Variants in NLE1 observed in about 807,000 individuals in gnomAD.
NLE1 encodes the protein notchless protein homolog 1.
Under a neutral mutation model 62.8 loss-of-function variants are expected in NLE1, and 37 were observed. That is an observed-to-expected ratio of 0.59 (90% CI 0.45 to 0.78). The LOEUF is 0.78. Ranked by LOEUF, NLE1 falls within the 30% of genes least tolerant of loss-of-function variation. NLE1 has a pLI of 0.00. For synonymous variants in NLE1, 243 were observed against 253.0 expected, an observed-to-expected ratio of 0.96 and a Z score of 0.37; for missense variants, 555 against 637.9, an observed-to-expected ratio of 0.87 and a Z score of 1.40.
Position 35,132,318 on chromosome 17 carries a change from T to G in NLE1, c.*119A>C, listed in dbSNP as rs1331467542. ...CGAGGACAGCAGGCCACACGCATTCTCAGGTCCCCACTGGTGGGGAGGGTG... is the reference window on the plus strand; with the variant it reads ...CGAGGACAGCAGGCCACACGCATTCGCAGGTCCCCACTGGTGGGGAGGGTG... On this transcript the variant is annotated 3_prime_UTR_variant, in exon 13 of 13. Transcript: ENST00000442241. 14 of 864,740 alleles carry G rather than the reference T, an allele frequency of 1.6e-5. No homozygotes were observed. Among genetic ancestry groups the G allele is most frequent in the Non-Finnish European group, 2.1e-5 (13 of 611,566 alleles). 53.6% of individuals were successfully genotyped at this position (864,740 alleles called of 1,614,324 possible).
In NLE1 at chr17:35,140,005, T is replaced by TGGGAC; in HGVS notation, c.223_224insGTCCC (p.Lys75SerfsTer16). The TGGGAC allele has an allele frequency of 6.2e-7, 1 of 1,614,126 alleles. No homozygotes were observed. ...CTCCACTGCCTGGGACTCCAACGTC[T>TGGGAC]TCCCCAGTGAGGAGACGATCTCAGC... On this transcript the variant is annotated frameshift_variant, in exon 3 of 13. Coordinates refer to ENST00000442241, the MANE Select transcript of NLE1 (RefSeq NM_018096.5). LOFTEE classifies it high-confidence loss of function.
chr17:35,133,081 G>A lies in NLE1; in HGVS notation c.1445+90C>T, dbSNP rs555235886. On this transcript the variant is annotated intron_variant, in intron 12 of 12. Transcript: ENST00000442241. ...AGTCTGAGCACCTGGACGGCCCTGC[G>A]GAATTCTATGCTGTAAGGGAAAGTG... 25 of 1,296,966 alleles carry A rather than the reference G, an allele frequency of 1.9e-5. No homozygotes were observed. In the African/African-American group the frequency reaches 2.2e-4, roughly 11 times the overall value. 80.3% of individuals were successfully genotyped at this position (1,296,966 alleles called of 1,614,324 possible).
intron 5 of NLE1, 22 bp downstream of exon 5, chr17:35,137,792 A>C: frequency 6.3e-7 from 1 of 1,599,728 alleles, no homozygotes; most frequent in Non-Finnish European, 8.6e-7. Context: ...GTCTCTGCCT[A>C]GTTACCCTGA....
intron 4 of NLE1, among the ~76,000 whole-genome samples, chr17:35,138,796 C>T (rs2091925288): frequency 6.6e-6 from 1 of 152,134 alleles, no homozygotes; most frequent in Non-Finnish European, 1.5e-5. Flanking sequence ...GATTTGTGCT[C>T]AAGTTTGAAA....
Position 35,132,380 on chromosome 17 carries a change from GA to G in NLE1, c.*56del. 1 of 1,423,006 alleles carries G rather than the reference GA, an allele frequency of 7.0e-7. No homozygotes were observed. The highest frequency in any genetic ancestry group is 9.3e-7 in the Non-Finnish European group (1 of 1,078,202). 88.1% of individuals were successfully genotyped at this position (1,423,006 alleles called of 1,614,324 possible). A position where few individuals can be genotyped will look rare whatever the true frequency, so the allele number is the denominator to read the frequency against. On this transcript the variant is annotated 3_prime_UTR_variant, in exon 13 of 13. Transcript: ENST00000442241. The stretch of plus-strand genomic sequence containing the variant: ...ATCTCAGCCTTTGTTCTCTGGCAGG[GA>G]AGGCAGCTGGCAGAGGCCGAGTCGA...
Position 35,129,024 on chromosome 17 carries a change from G to C in NLE1, c.*3413C>G, listed in dbSNP as rs1256615923. ...GCCTCTGCTGATCTGACAGGAGGCA[G>C]AGCTCAGGTGGTACCCTGAGCCGTG... On this transcript the variant is annotated 3_prime_UTR_variant, in exon 13 of 13. Transcript: ENST00000442241. 5.3e-6 allele frequency: 1 copy of C among 189,550 alleles called. No homozygotes were observed. Among genetic ancestry groups the C allele is most frequent in the African/African-American group, 2.3e-5 (1 of 43,148 alleles). 11.7% of individuals were successfully genotyped at this position (189,550 alleles called of 1,614,324 possible). A position where few individuals can be genotyped will look rare whatever the true frequency, so the allele number is the denominator to read the frequency against.
At chr17:35,141,954 G>A in intron 2 of NLE1, 25 bp downstream of exon 2, 2 of 1,550,292 alleles carry the variant, frequency 1.3e-6, no homozygotes, top group Non-Finnish European at 8.7e-7. Flanking sequence ...GTGGAGATGC[G>A]AGGCCGCCCT....
In NLE1 at chr17:35,133,479, C is replaced by T. The variant is rs142500144; in HGVS notation, c.1234G>A (p.Gly412Ser). ...RTGKYLASLR[G>S]HVAAVYQIAW... is the part of the protein sequence containing the mutation. ...ATCTGGTACACGGCAGCCACGTGGC[C>T]GCGTAGGGAAGCCAGGTACCTGGTC... Residue 412 changes from glycine to serine, a missense_variant, in exon 11 of 13, where the codon GGC (glycine) becomes AGC (serine). By Grantham distance (56) the Gly-to-Ser change is moderately conservative. Transcript: ENST00000442241. 12 of 1,612,730 alleles carry T rather than the reference C, an allele frequency of 7.4e-6. No individual in the cohort carries two copies. The highest frequency in any genetic ancestry group is 2.2e-5 in the South Asian group (2 of 90,964).
chr17:35,136,549 C>T (rs3736143), intron 7 of NLE1, 52 bp from the exon 8 acceptor site: 774,413 of 1,571,314 alleles, frequency 0.49, 194,616 homozygotes, highest in East Asian at 0.79. Flanking sequence ...CACGCCTGGG[C>T]GATTAGCCCC....
chr17:35,136,572 G>A, intron 7 of NLE1, 75 bp from the exon 8 acceptor site: 1 of 1,527,100 alleles, frequency 6.5e-7, no homozygotes, highest in Non-Finnish European at 8.9e-7. Flanking sequence ...GAGACAGGTG[G>A]TACAAGACTA....
chr17:35,140,635 G>C (rs1210834081), intron 2 of NLE1, among the ~76,000 whole-genome samples: 4 of 151,664 alleles, frequency 2.6e-5, no homozygotes, highest in Non-Finnish European at 5.9e-5. Context: ...CTGTTACTCA[G>C]GCTGGAGTGC....
chr17:35,136,371 G>T lies in NLE1; in HGVS notation c.955C>A (p.Gln319Lys), dbSNP rs75635495. 10,207 of 1,613,270 alleles carry T rather than the reference G, an allele frequency of 6.3e-3. 541 individuals carry two copies. The African/African-American group carries it at 0.12, about 18-fold the overall frequency. The change falls in exon 8 of 13, where the codon CAA becomes AAA. Residue 319 changes from glutamine (Q) to lysine (K), a missense_variant. By Grantham distance (53) the Gln-to-Lys change is moderately conservative. Transcript: ENST00000442241. ...TCTCCCAATCACTCACAGGATCCTT[G>T]GAGGTCTTGGGGATTAACTGAGGCC... ...AEASVNPQDLQGSLQELKERA... is the reference protein window; with the variant it reads ...AEASVNPQDLKGSLQELKERA...
At chr17:35,140,236 A>G (rs1197289621) in intron 2 of NLE1, among the ~76,000 whole-genome samples, 170 bp from the exon 3 acceptor site, 1 of 152,032 alleles carries the variant, frequency 6.6e-6, no homozygotes, top group East Asian at 1.9e-4. Context: ...TTATTTATTT[A>G]TTTATTTTTG....
chr17:35,139,176 G>A (rs1349804433), intron 4 of NLE1, 59 bp downstream of exon 4: 9 of 1,466,330 alleles, frequency 6.1e-6, no homozygotes, highest in Non-Finnish European at 8.6e-6. Flanking sequence ...CTGGTCAACA[G>A]AGCAAGACCT....
chr17:35,136,542 G>T, intron 7 of NLE1, 45 bp from the exon 8 acceptor site: 1 of 1,582,114 alleles, frequency 6.3e-7, no homozygotes, highest in South Asian at 1.1e-5. Flanking sequence ...TCCTCCCCAC[G>T]CCTGGGCGAT....
At chr17:35,134,789 C>T (rs917291850) in intron 10 of NLE1, among the ~76,000 whole-genome samples, 3 of 152,156 alleles carry the variant, frequency 2.0e-5, no homozygotes, top group South Asian at 4.1e-4. Context: ...TGGCGGCTCA[C>T]ACCTGTAATC....
Position 35,133,422 on chromosome 17 carries a change from T to A in NLE1, c.1291A>T (p.Ser431Cys). ...TTCAGTGTGCTGTCACTGCTGCCGC[T>A]GACCAGGAGCCGACTGTCAGCTGAC... is the stretch of plus-strand genomic sequence containing the variant. ...AWSADSRLLV[S>C]GSSDSTLKVW... Residue 431 changes from serine to cysteine, a missense_variant, in exon 11 of 13, where the codon AGC becomes TGC. Physicochemically the swap from Ser to Cys is moderately radical, Grantham distance 112 (BLOSUM62 -1). Transcript: ENST00000442241. 6.2e-7 allele frequency: 1 copy of A among 1,614,144 alleles called. No individual in the cohort carries two copies. The highest frequency in any genetic ancestry group is 8.5e-7 in the Non-Finnish European group (1 of 1,180,020).
intron 4 of NLE1, among the ~76,000 whole-genome samples, chr17:35,138,592 C>T (rs1438725274): frequency 2.0e-5 from 3 of 152,114 alleles, no homozygotes; most frequent in Non-Finnish European, 2.9e-5. Flanking sequence ...TACAAGCACA[C>T]GCCACCATGC....
intron 5 of NLE1, 83 bp downstream of exon 5, chr17:35,137,731 C>T (rs969868320): frequency 7.4e-7 from 1 of 1,359,110 alleles, no homozygotes; most frequent in African/African-American, 1.4e-5. Flanking sequence ...CAACCCTCCC[C>T]AAAGACTCCT....
Sources: allele counts gnomAD v4.1 joint callset (sites outside exome capture counted in the v4.1 genomes callset), GRCh38; gene constraint gnomAD v4.1.1; transcripts MANE v1.5; gene names NCBI Gene and HGNC (gene_info 2026-07-23, HGNC 2026-07-21).